Variants in NECTIN3 observed in about 807,000 individuals in gnomAD.
NECTIN3 encodes nectin-3.
A neutral mutation model predicts 49.4 loss-of-function variants in NECTIN3; 8 were observed. That is an observed-to-expected ratio of 0.16 (90% CI 0.10 to 0.29). NECTIN3 has a LOEUF of 0.29. Among genes scored for constraint, NECTIN3 ranks in the 10% least tolerant of loss-of-function variants. NECTIN3 has a pLI of 1.00. For synonymous variants in NECTIN3, 277 were observed against 241.1 expected, an observed-to-expected ratio of 1.15 and a Z score of -1.38; for missense variants, 581 against 654.6, an observed-to-expected ratio of 0.89 and a Z score of 1.23.
chr3:111,080,768 AC>A (rs1428677752), intron 1 of NECTIN3, among the ~76,000 whole-genome samples: 2 of 152,054 alleles, frequency 1.3e-5, no homozygotes, highest in Non-Finnish European at 2.9e-5. Context: ...TATAAAGGAT[AC>A]CACGGTGGAA....
chr3:111,169,227 C>T (rs1374852252), intron 7 of NECTIN3, among the ~76,000 whole-genome samples: 1 of 151,206 alleles, frequency 6.6e-6, no homozygotes, highest in Non-Finnish European at 1.5e-5. Context: ...GTAGCTGGGA[C>T]TACAGGCGCC....
At chr3:111,081,456 G>C (rs1051632053) in intron 1 of NECTIN3, among the ~76,000 whole-genome samples, 1 of 152,170 alleles carries the variant, frequency 6.6e-6, no homozygotes, top group Non-Finnish European at 1.5e-5. Flanking sequence ...GTGTGTGTGT[G>C]TATTAACCCA....
At chr3:111,095,235 G>A (rs1485929975) in intron 1 of NECTIN3, among the ~76,000 whole-genome samples, 1 of 152,100 alleles carries the variant, frequency 6.6e-6, no homozygotes, top group Non-Finnish European at 1.5e-5. Flanking sequence ...AGACTTGAGG[G>A]AAAAATCTTC....
At chr3:111,138,793 A>G (rs1356539613), downstream of NECTIN3, among the ~76,000 whole-genome samples, 1 of 151,674 alleles carries the variant, frequency 6.6e-6, no homozygotes, top group Non-Finnish European at 1.5e-5. Flanking sequence ...AAACACGATT[A>G]ATAGTTTTAG....
At chr3:111,189,380 T>G (rs1576189727), upstream of NECTIN3, among the ~76,000 whole-genome samples, 1 of 152,198 alleles carries the variant, frequency 6.6e-6, no homozygotes, top group Non-Finnish European at 1.5e-5. Flanking sequence ...GTATTTAGGT[T>G]TTATTATTAT....
intron 7 of NECTIN3, among the ~76,000 whole-genome samples, chr3:111,185,326 G>A (rs1023061869): frequency 1.2e-4 from 18 of 152,228 alleles, no homozygotes; most frequent in South Asian, 6.2e-4. Flanking sequence ...GTGTGTGTGC[G>A]AGTGTGTGTG....
At chr3:111,183,229 G>A (rs1035013264) in intron 7 of NECTIN3, among the ~76,000 whole-genome samples, 14 of 151,006 alleles carry the variant, frequency 9.3e-5, no homozygotes, top group South Asian at 2.1e-4. Flanking sequence ...TTTGAAGTCC[G>A]TTTTCTTCAA....
chr3:111,188,567 T>A (rs944147332), upstream of NECTIN3, among the ~76,000 whole-genome samples: 1 of 152,184 alleles, frequency 6.6e-6, no homozygotes, highest in African/African-American at 2.4e-5. Flanking sequence ...TTTAAAAAAG[T>A]CTTCTACCAT....
chr3:111,121,129 A>T (rs1471756350), intron 3 of NECTIN3, among the ~76,000 whole-genome samples: 1 of 146,846 alleles, frequency 6.8e-6, no homozygotes, highest in Non-Finnish European at 1.5e-5. Context: ...CAGCCTCCCG[A>T]GTGGCTGGGA....
rs2032204211 is a variant in NECTIN3, at chr3:111,090,564, TTGTTTG to T, written c.160+18391_160+18396del. ...GCCGTTAGTGCTAGTGTGTGTTTGC[TTGTTTG>T]TGTGTGTGTGTGTGTGTGTGTGTGT... is the stretch of plus-strand genomic sequence containing the variant. On this transcript the variant is annotated intron_variant, in intron 1 of 5. Coordinates refer to ENST00000485303, the MANE Select transcript of NECTIN3 (RefSeq NM_015480.3). Among the ~76,000 whole-genome samples the T allele has an allele frequency of 1.1e-4, 5 of 47,240 alleles. No individual in the cohort carries two copies. In the South Asian group the frequency reaches 7.4e-3, roughly 70 times the overall value. 31.0% of individuals were successfully genotyped at this position (47,240 alleles called of 152,430 possible).
chr3:111,166,913 A>ATAGG (rs367945964), intron 7 of NECTIN3, among the ~76,000 whole-genome samples: 146 of 152,302 alleles, frequency 9.6e-4, no homozygotes, highest in South Asian at 2.9e-3. Flanking sequence ...TTTAATAAAG[A>ATAGG]TAGGTAGGTA....
chr3:111,169,128 C>T (rs1212816339), intron 7 of NECTIN3, among the ~76,000 whole-genome samples: 2 of 113,798 alleles, frequency 1.8e-5, no homozygotes, highest in African/African-American at 7.0e-5. Context: ...CTCGCTCTGT[C>T]GCCCAGGCTG....
In NECTIN3 at chr3:111,113,001, T is replaced by C. The variant is rs150067923; in HGVS notation, c.502+630T>C. Among the ~76,000 whole-genome samples, 7 of 152,294 alleles carry C rather than the reference T, an allele frequency of 4.6e-5. No homozygotes were observed. The East Asian group carries it at 1.4e-3, about 29-fold the overall frequency. ...ACTTTTGAAATGATAGAAATGAAGA[T>C]TGAGGAGCAATAGCAACTGGTGGCT... On this transcript the variant is annotated intron_variant, in intron 2 of 5. Transcript: ENST00000485303.
chr3:111,193,052 G>T (rs1361826310), intron 1 of NECTIN3: 1 of 679,576 alleles, frequency 1.5e-6, no homozygotes, highest in Non-Finnish European at 2.4e-6. Context: ...AATATAAGTT[G>T]TTGAACTTTA....
Position 111,084,851 on chromosome 3 carries a change from G to A in NECTIN3, c.160+12674G>A, listed in dbSNP as rs895916508. ...GGAATTAGATGTTGCATACCTGGAA[G>A]GGTGGGCTGCCATAACAAAATGCCA... On this transcript the variant is annotated intron_variant, in intron 1 of 5. Transcript: ENST00000485303. 7.2e-5 allele frequency among the ~76,000 whole-genome samples: 11 copies of A among 152,314 alleles called. No homozygotes were observed. The East Asian group carries it at 1.3e-3, about 19-fold the overall frequency.
chr3:111,154,001 A>T (rs1052474090), intron 7 of NECTIN3, among the ~76,000 whole-genome samples: 2 of 152,164 alleles, frequency 1.3e-5, no homozygotes, highest in African/African-American at 4.8e-5. Flanking sequence ...TAAAGTATTA[A>T]TTAGCACACA....
chr3:111,081,863 T>C (rs1205606538), intron 1 of NECTIN3, among the ~76,000 whole-genome samples: 1 of 152,176 alleles, frequency 6.6e-6, no homozygotes, highest in Non-Finnish European at 1.5e-5. Flanking sequence ...TTTAAATACT[T>C]TGCTGAGGCG....
chr3:111,105,047 C>T (rs2033112135), intron 1 of NECTIN3, among the ~76,000 whole-genome samples: 1 of 152,170 alleles, frequency 6.6e-6, no homozygotes, highest in Admixed American at 6.5e-5. Flanking sequence ...GCAAATTTTA[C>T]AGTTCTAACT....
chr3:111,158,117 G>A (rs928876399), intron 7 of NECTIN3, among the ~76,000 whole-genome samples: 13 of 151,918 alleles, frequency 8.6e-5, no homozygotes, highest in African/African-American at 2.7e-4. Flanking sequence ...TTGTCTTATG[G>A]TTGCTTTACA....
Sources: gnomAD v4.1 joint callset for allele counts (sites outside exome capture counted in the v4.1 genomes callset) on GRCh38, gnomAD v4.1.1 for gene constraint, MANE v1.5 for transcripts, NCBI Gene and HGNC (gene_info 2026-07-23, HGNC 2026-07-21) for gene names.